Variants in PBX1 observed in about 807,000 individuals in gnomAD.
PBX1 encodes the protein pre-B-cell leukemia transcription factor 1.
In PBX1, 6 loss-of-function variants were observed where a neutral mutation model predicts 53.4. The observed-to-expected ratio is 0.11, with a 90% CI of 0.06 to 0.22. The LOEUF is 0.22. Ranked by LOEUF, PBX1 falls within the 10% of genes least tolerant of loss-of-function variation. PBX1 has a pLI of 1.00. For synonymous variants in PBX1, 204 were observed against 212.3 expected (o/e 0.96, Z 0.34); for missense variants, 251 against 551.4 (o/e 0.46, Z 5.46).
At chr1:164,574,899 T>C (rs572795893) in intron 2 of PBX1, among the ~76,000 whole-genome samples, 1 of 152,242 alleles carries the variant, frequency 6.6e-6, no homozygotes, top group African/African-American at 2.4e-5. Flanking sequence ...GGAGAATTTC[T>C]TGAACCCGGG....
chr1:164,772,016 G>GA (rs769903402), intron 2 of PBX1, among the ~76,000 whole-genome samples: 2 of 152,056 alleles, frequency 1.3e-5, no homozygotes, highest in Non-Finnish European at 2.9e-5. Context: ...GAATAGGGGG[G>GA]AAAAAAATCC....
At chr1:164,658,466 A>G (rs1372907477) in intron 2 of PBX1, among the ~76,000 whole-genome samples, 3 of 152,230 alleles carry the variant, frequency 2.0e-5, no homozygotes, top group South Asian at 2.1e-4. Context: ...TTAGAGATCT[A>G]TTAATACAGA....
chr1:164,647,013 G>T (rs1428280112), intron 2 of PBX1, among the ~76,000 whole-genome samples: 2 of 152,162 alleles, frequency 1.3e-5, no homozygotes, highest in Non-Finnish European at 2.9e-5. Context: ...TAGTAAGGGG[G>T]GCAGCCCTAC....
chr1:164,687,074 A>G (rs536166763), intron 2 of PBX1, among the ~76,000 whole-genome samples: 30 of 152,332 alleles, frequency 2.0e-4, no homozygotes, highest in African/African-American at 7.2e-4. Flanking sequence ...TCATGGTGGC[A>G]TGGGCACCAG....
rs1173112393 is a variant in PBX1, at chr1:164,626,164, C to A, written c.265+62853C>A. On this transcript the variant is annotated intron_variant, in intron 2 of 8. Coordinates refer to ENST00000420696, the MANE Select transcript of PBX1 (RefSeq NM_002585.4). ...TGAGATGCATATACCATGCCTTCCCCCTTTTATCTTTAAGGATTCATGACA... is the reference window on the plus strand; with the variant it reads ...TGAGATGCATATACCATGCCTTCCCACTTTTATCTTTAAGGATTCATGACA... The A allele has an allele frequency of 5.4e-6, 5 of 932,112 alleles. No homozygotes were observed. The African/African-American group carries it at 7.1e-5, about 13-fold the overall frequency. The allele number at this position is 932,112 out of a possible 1,614,324, so 57.7% of individuals were successfully genotyped here.
intron 2 of PBX1, among the ~76,000 whole-genome samples, chr1:164,699,765 T>C (rs1301874496): frequency 6.6e-6 from 1 of 152,070 alleles, no homozygotes; most frequent in African/African-American, 2.4e-5. Flanking sequence ...CCTCTCCCCA[T>C]CCCCTTTATT....
intron 3 of PBX1, among the ~76,000 whole-genome samples, chr1:164,794,830 G>A (rs1037641937): frequency 2.0e-5 from 3 of 152,116 alleles, no homozygotes; most frequent in Non-Finnish European, 4.4e-5. Flanking sequence ...AGGTTAACTC[G>A]TGCCAAAGAA....
chr1:164,885,184 T>G (rs1458023837), intron 2 of PBX1, among the ~76,000 whole-genome samples: 2 of 152,210 alleles, frequency 1.3e-5, no homozygotes, highest in East Asian at 3.9e-4. Context: ...GTTTTCAGGT[T>G]TAGATGTATC....
chr1:164,569,564 A>AAT (rs1653682380), intron 2 of PBX1, among the ~76,000 whole-genome samples: 1 of 78,186 alleles, frequency 1.3e-5, no homozygotes, highest in African/African-American at 5.5e-5. Flanking sequence ...TTTTCCTTGC[A>AAT]TTTTTTTTTT....
At chr1:164,614,333 C>T (rs549459609) in intron 2 of PBX1, among the ~76,000 whole-genome samples, 28 of 152,200 alleles carry the variant, frequency 1.8e-4, no homozygotes, top group African/African-American at 6.3e-4. Flanking sequence ...GGCTTGGGAG[C>T]CAGATTTTAG....
intron 2 of PBX1, among the ~76,000 whole-genome samples, chr1:164,750,198 A>T (rs952082677): frequency 4.0e-5 from 6 of 149,090 alleles, no homozygotes; most frequent in Non-Finnish European, 7.4e-5. Context: ...GCACATGTGC[A>T]TTCCCTGAAT....
downstream of PBX1, among the ~76,000 whole-genome samples, chr1:164,853,536 C>T (rs532448770): frequency 1.3e-5 from 2 of 152,300 alleles, no homozygotes; most frequent in South Asian, 2.1e-4. Flanking sequence ...GATGTCCAAT[C>T]CAATATTGCC....
At chr1:164,634,094 A>G (rs1658589171) in intron 2 of PBX1, among the ~76,000 whole-genome samples, 1 of 152,202 alleles carries the variant, frequency 6.6e-6, no homozygotes, top group African/African-American at 2.4e-5. Context: ...TGTAATGCTC[A>G]GTTTTTAGTG....
intron 2 of PBX1, among the ~76,000 whole-genome samples, chr1:164,634,637 A>C (rs1658624547): frequency 6.6e-6 from 1 of 152,198 alleles, no homozygotes; most frequent in Admixed American, 6.5e-5. Flanking sequence ...AAGCTCAAAA[A>C]GGAAGTGTTG....
chr1:164,870,212 T>C (rs60648809), intron 2 of PBX1, among the ~76,000 whole-genome samples: 8,693 of 68,270 alleles, frequency 0.13, 711 homozygotes, highest in Middle Eastern at 0.19. Context: ...TTCTTTCTTT[T>C]CTTTCTTTCC....
At chr1:164,615,101 A>ACT (rs1313101526) in intron 2 of PBX1, among the ~76,000 whole-genome samples, 3 of 151,660 alleles carry the variant, frequency 2.0e-5, no homozygotes, top group African/African-American at 7.3e-5. Flanking sequence ...AGATTATTCA[A>ACT]CTCTTTCCTT....
chr1:164,780,218 G>A (rs184549168), intron 2 of PBX1, among the ~76,000 whole-genome samples: 490 of 152,288 alleles, frequency 3.2e-3, no homozygotes, highest in Middle Eastern at 6.8e-3. Context: ...GTAAAAGCAA[G>A]TGGAGGCAAC....
intron 6 of PBX1, 152 bp from the exon 7 acceptor site, chr1:164,819,920 A>G (rs922386325): frequency 4.2e-5 from 25 of 598,174 alleles, no homozygotes; most frequent in Non-Finnish European, 5.7e-5. Context: ...TCTGTTCTTC[A>G]TGCTACTAAC....
intron 3 of PBX1, among the ~76,000 whole-genome samples, chr1:164,798,980 G>A (rs1347604755): frequency 2.0e-5 from 3 of 152,106 alleles, no homozygotes; most frequent in African/African-American, 7.2e-5. Flanking sequence ...CTAAAATTGA[G>A]TATTTGGAAG....
Sources: gnomAD v4.1 joint callset for allele counts (sites outside exome capture counted in the v4.1 genomes callset) on GRCh38, gnomAD v4.1.1 for gene constraint, MANE v1.5 for transcripts, NCBI Gene and HGNC (gene_info 2026-07-23, HGNC 2026-07-21) for gene names.